The following SHTN1 variants were observed in gnomAD, a reference collection of about 807,000 sequenced individuals.
SHTN1 encodes the protein shootin-1.
SHTN1 carries 42 observed loss-of-function variants against 83.1 expected under a neutral mutation model. That is an observed-to-expected ratio of 0.51 (90% CI 0.39 to 0.65). The LOEUF (loss-of-function observed/expected upper bound fraction) is 0.65, where lower values mean the gene tolerates loss of function less well. Among genes scored for constraint, SHTN1 ranks in the 30% least tolerant of loss-of-function variants. SHTN1 has a pLI of 0.00. For synonymous variants in SHTN1, 224 were observed against 247.7 expected (o/e 0.90, Z 0.90); for missense variants, 622 against 737.8 (o/e 0.84, Z 1.82).
At chr10:117,007,263 C>G (rs1263341571), upstream of SHTN1, among the ~76,000 whole-genome samples, 1 of 151,850 alleles carries the variant, frequency 6.6e-6, no homozygotes, top group African/African-American at 2.4e-5. Flanking sequence ...CTCATTCTCT[C>G]TCACTCTACC....
intron 15 of SHTN1, among the ~76,000 whole-genome samples, chr10:116,902,474 T>C (rs1320468987): frequency 6.6e-6 from 1 of 152,216 alleles, no homozygotes; most frequent in Non-Finnish European, 1.5e-5. Flanking sequence ...TTGTTTCCTC[T>C]TAAAACACAG....
intron 2 of SHTN1, among the ~76,000 whole-genome samples, chr10:117,044,016 A>T (rs1238108342): frequency 6.6e-6 from 1 of 152,212 alleles, no homozygotes; most frequent in Non-Finnish European, 1.5e-5. Context: ...GCTTAGTTCT[A>T]AAATTATTTT....
intron 1 of SHTN1, among the ~76,000 whole-genome samples, chr10:117,062,719 C>T (rs1449036510): frequency 6.6e-6 from 1 of 152,090 alleles, no homozygotes; most frequent in Non-Finnish European, 1.5e-5. Context: ...TTTTGTATAA[C>T]TCATAGGTTA....
At chr10:117,077,084 C>T (rs115229308) in intron 1 of SHTN1, among the ~76,000 whole-genome samples, 3,081 of 152,248 alleles carry the variant, frequency 0.02, 90 homozygotes, top group African/African-American at 0.07. Context: ...AAAGCCCTTA[C>T]GATTTAAGAA....
In SHTN1 at chr10:117,119,403, C is replaced by T. The variant is rs375105565; in HGVS notation, c.-189+6904G>A. Among the ~76,000 whole-genome samples, 43 of 152,100 alleles carry T rather than the reference C, an allele frequency of 2.8e-4. 2 individuals are homozygous for T. The South Asian group carries it at 8.5e-3, about 30-fold the overall frequency. On this transcript the variant is annotated intron_variant, in intron 1 of 17. Transcript: ENST00000392901. ...GCAAAGGATTTCAATAGACATTTCT[C>T]AAAAGAAGATATACAAATGACAAAC...
At chr10:117,043,290 C>A (rs1003951693) in intron 2 of SHTN1, among the ~76,000 whole-genome samples, 4 of 151,970 alleles carry the variant, frequency 2.6e-5, no homozygotes, top group Admixed American at 2.0e-4. Context: ...CCCACCACCA[C>A]GCCTGGCTAA....
rs182074146 is a variant in SHTN1 at position 116,965,084 on chromosome 10, A to G, written c.172+3568T>C. 4.6e-5 allele frequency among the ~76,000 whole-genome samples: 7 copies of G among 152,328 alleles called. No homozygotes were observed. In the East Asian group the frequency reaches 1.4e-3, roughly 29 times the overall value. On this transcript the variant is annotated intron_variant, in intron 3 of 16. Transcript: ENST00000355371. ...GTGGTGTTCTTTGTGTGTAGGAGGA[A>G]GGCTCAGAGAGAGCTGGCGAGGATC...
chr10:116,927,924 G>A, intron 10 of SHTN1, 33 bp from the exon 11 acceptor site: 2 of 1,608,664 alleles, frequency 1.2e-6, no homozygotes, highest in Non-Finnish European at 1.7e-6. Context: ...GAAGAGAGCT[G>A]AAATAAGCAA....
At chr10:117,073,723 G>C (rs1482021063) in intron 1 of SHTN1, among the ~76,000 whole-genome samples, 1 of 152,200 alleles carries the variant, frequency 6.6e-6, no homozygotes, top group African/African-American at 2.4e-5. Context: ...CTGGCTGGAA[G>C]ACAACTCAGT....
chr10:117,025,647 C>T (rs1367787512), intron 2 of SHTN1, among the ~76,000 whole-genome samples: 1 of 152,124 alleles, frequency 6.6e-6, no homozygotes, highest in Non-Finnish European at 1.5e-5. Context: ...CCAAGAGAGA[C>T]CCCTTCCCAC....
intron 1 of SHTN1, among the ~76,000 whole-genome samples, chr10:116,991,576 T>C (rs1851438393): frequency 1.3e-5 from 2 of 152,122 alleles, no homozygotes; most frequent in African/African-American, 4.8e-5. Context: ...GAGGCTATAG[T>C]AGACAACTCT....
chr10:116,944,728 T>TA (rs1849511465), intron 8 of SHTN1, among the ~76,000 whole-genome samples, 196 bp downstream of exon 8: 1 of 151,988 alleles, frequency 6.6e-6, no homozygotes, highest in Non-Finnish European at 1.5e-5. Context: ...CCATCTCTAA[T>TA]AAAAATACAA....
At chr10:117,018,103 C>T (rs1852206908) in intron 2 of SHTN1, among the ~76,000 whole-genome samples, 1 of 152,062 alleles carries the variant, frequency 6.6e-6, no homozygotes. Context: ...GGACTGGATC[C>T]TGGAACAGAA....
chr10:116,926,207 ACTTTT>A (rs1295049283), intron 11 of SHTN1, among the ~76,000 whole-genome samples: 1 of 152,184 alleles, frequency 6.6e-6, no homozygotes, highest in African/African-American at 2.4e-5. Context: ...GTTATACTTT[ACTTTT>A]AATTCTAGGG....
chr10:117,002,321 T>C (rs1851849225), intron 1 of SHTN1, among the ~76,000 whole-genome samples: 1 of 152,210 alleles, frequency 6.6e-6, no homozygotes, highest in Non-Finnish European at 1.5e-5. Context: ...TAGTTCACTA[T>C]TTACACCCCT....
At position 116,884,217 on chromosome 10, in the gene SHTN1, TCTC is replaced by T; in HGVS notation, c.*2124_*2126del. On this transcript the variant is annotated 3_prime_UTR_variant, in exon 17 of 17. Coordinates refer to ENST00000355371, the MANE Select transcript of SHTN1 (RefSeq NM_001127211.3). Reference sequence around the variant, plus strand: ...CATACCTTGCAGATATAAGCACGGTTCTCCTATGTCTTCCTATTTGGGATCCCT... The same window carrying T: ...CATACCTTGCAGATATAAGCACGGTTCTATGTCTTCCTATTTGGGATCCCT... The T allele has an allele frequency of 2.2e-6, 1 of 457,410 alleles. No individual in the cohort carries two copies. The highest frequency in any genetic ancestry group is 4.4e-6 in the Non-Finnish European group (1 of 227,312). The allele number at this position is 457,410 out of a possible 1,614,324, so 28.3% of individuals were successfully genotyped here.
chr10:116,936,509 T>C (rs1849169205), intron 9 of SHTN1, among the ~76,000 whole-genome samples: 1 of 152,218 alleles, frequency 6.6e-6, no homozygotes, highest in East Asian at 1.9e-4. Flanking sequence ...TGATTTCTAA[T>C]TTGATTGCAC....
chr10:117,123,432 T>G (rs1196069630), intron 1 of SHTN1, among the ~76,000 whole-genome samples: 1 of 152,186 alleles, frequency 6.6e-6, no homozygotes, highest in East Asian at 1.9e-4. Context: ...GCACCTAGTT[T>G]GCAGTTGATT....
chr10:117,029,781 C>T (rs1354697287), intron 2 of SHTN1, among the ~76,000 whole-genome samples: 1 of 152,094 alleles, frequency 6.6e-6, no homozygotes, highest in Non-Finnish European at 1.5e-5. Context: ...TGAGCAGATA[C>T]CAGCATCATG....
Sources: gnomAD v4.1 joint callset for allele counts (sites outside exome capture counted in the v4.1 genomes callset) on GRCh38, gnomAD v4.1.1 for gene constraint, MANE v1.5 for transcripts, NCBI Gene and HGNC (gene_info 2026-07-23, HGNC 2026-07-21) for gene names.